Variants in ADAMTSL1 observed in about 807,000 individuals in gnomAD.
The protein encoded by ADAMTSL1 is ADAMTS like 1.
ADAMTSL1 carries 126 observed loss-of-function variants against 201.8 expected under a neutral mutation model. That is an observed-to-expected ratio of 0.62 (90% CI 0.54 to 0.72). ADAMTSL1 has a LOEUF of 0.72. ADAMTSL1 is among the 30% of genes least tolerant of loss of function. The pLI, the probability that ADAMTSL1 is intolerant of heterozygous loss-of-function variation, is 0.00. For missense variants in ADAMTSL1, 2,679 were observed against 2,277.8 expected (o/e 1.18, Z -3.59); for synonymous variants, 1,121 against 903.4 (o/e 1.24, Z -4.32).
chr9:18,852,714 C>T (rs1826575243), intron 23 of ADAMTSL1, among the ~76,000 whole-genome samples: 1 of 152,182 alleles, frequency 6.6e-6, no homozygotes, highest in Non-Finnish European at 1.5e-5. Context: ...CAGAGTTGCA[C>T]TATGATCAAA....
At chr9:18,825,655 G>T (rs1824501142) in intron 21 of ADAMTSL1, among the ~76,000 whole-genome samples, 1 of 152,000 alleles carries the variant, frequency 6.6e-6, no homozygotes, top group African/African-American at 2.4e-5. Context: ...CACCAGACCA[G>T]CCCCCGGTCA....
intron 2 of ADAMTSL1, among the ~76,000 whole-genome samples, chr9:18,393,559 A>C (rs1247778675): frequency 6.6e-6 from 1 of 152,214 alleles, no homozygotes; most frequent in African/African-American, 2.4e-5. Context: ...ATGTTAAAGA[A>C]GACAGTGTGG....
At chr9:17,915,553 T>TTTG (rs1826058655) in intron 1 of ADAMTSL1, among the ~76,000 whole-genome samples, 2 of 152,176 alleles carry the variant, frequency 1.3e-5, no homozygotes, top group Admixed American at 1.3e-4. Context: ...TATGAACACG[T>TTTG]TGTTTAATTT....
intron 7 of ADAMTSL1, among the ~76,000 whole-genome samples, chr9:18,642,305 A>G (rs202107882): frequency 8.3e-6 from 1 of 119,932 alleles, no homozygotes; most frequent in Non-Finnish European, 1.8e-5. Flanking sequence ...TTATTAATTA[A>G]TTTTTAATTA....
At chr9:18,661,909 C>T (rs754266647) in intron 8 of ADAMTSL1, 26 bp from the exon 9 acceptor site, 4 of 1,600,706 alleles carry the variant, frequency 2.5e-6, no homozygotes, top group East Asian at 2.2e-5. Flanking sequence ...TACATTTAAA[C>T]TTGCCTGGAT....
chr9:17,925,190 A>C (rs1475107808), intron 1 of ADAMTSL1, among the ~76,000 whole-genome samples: 1 of 114,426 alleles, frequency 8.7e-6, no homozygotes, highest in Non-Finnish European at 1.9e-5. Context: ...GCAATCATTA[A>C]AAAGTCAGGA....
chr9:18,877,373 A>G (rs1163285767), intron 23 of ADAMTSL1, among the ~76,000 whole-genome samples: 1 of 152,102 alleles, frequency 6.6e-6, no homozygotes, highest in Non-Finnish European at 1.5e-5. Context: ...CAGAGGGAAG[A>G]TCTGGGGCTC....
In ADAMTSL1 at chr9:18,359,158, GC is replaced by G. The variant is rs557829565; in HGVS notation, c.208-145670del. The stretch of plus-strand genomic sequence containing the variant: ...AAACATATATGCATGCACATGCTGG[GC>G]TGAAGTGACTTTTTTAGTACAAAAT... On this transcript the variant is annotated intron_variant, in intron 2 of 29. Transcript: ENST00000680146. 1.5e-3 allele frequency among the ~76,000 whole-genome samples: 233 copies of G among 152,224 alleles called. 3 individuals are homozygous for G. The South Asian group carries it at 0.019, about 12-fold the overall frequency.
chr9:18,013,916 G>T (rs1820152502), intron 1 of ADAMTSL1, among the ~76,000 whole-genome samples: 1 of 151,732 alleles, frequency 6.6e-6, no homozygotes, highest in Non-Finnish European at 1.5e-5. Flanking sequence ...GGTTTGAAAG[G>T]TCGCTTTTCA....
intron 24 of ADAMTSL1, among the ~76,000 whole-genome samples, chr9:18,888,399 A>T (rs1189630274): frequency 6.6e-6 from 1 of 152,232 alleles, no homozygotes; most frequent in Non-Finnish European, 1.5e-5. Flanking sequence ...CACACAGAGT[A>T]GCCTGTTTGG....
chr9:18,007,140 A>C (rs1291903989), intron 1 of ADAMTSL1, among the ~76,000 whole-genome samples: 1 of 152,052 alleles, frequency 6.6e-6, no homozygotes, highest in Non-Finnish European at 1.5e-5. Flanking sequence ...CAGAATAAAC[A>C]ATAGAGTGTT....
Position 18,063,769 on chromosome 9 carries a change from G to A in ADAMTSL1, c.88-100093G>A, listed in dbSNP as rs149750262. ...GGAAACTACACTAGAATCATCTTGT[G>A]AGTATCTGTCCATGCATAAAAGTCT... On this transcript the variant is annotated intron_variant, in intron 1 of 29. Transcript: ENST00000680146. Among the ~76,000 whole-genome samples, 1,270 of 152,238 alleles carry A rather than the reference G, an allele frequency of 8.3e-3. 32 individuals are homozygous for A. Among genetic ancestry groups the A allele is most frequent in the Admixed American group, 0.055 (839 of 15,294 alleles).
At chr9:18,843,593 T>C (rs951076144) in intron 23 of ADAMTSL1, among the ~76,000 whole-genome samples, 14 of 150,838 alleles carry the variant, frequency 9.3e-5, no homozygotes, top group African/African-American at 3.2e-4. Context: ...CCTTGCTGGA[T>C]TGGGGAAGTT....
intron 2 of ADAMTSL1, among the ~76,000 whole-genome samples, chr9:18,274,506 G>C (rs1308317386): frequency 6.6e-6 from 1 of 151,804 alleles, no homozygotes; most frequent in Non-Finnish European, 1.5e-5. Context: ...CAATGTCTGA[G>C]GTATTTCATA....
At chr9:18,211,626 A>G (rs1431442962) in intron 2 of ADAMTSL1, among the ~76,000 whole-genome samples, 2 of 152,166 alleles carry the variant, frequency 1.3e-5, no homozygotes, top group African/African-American at 4.8e-5. Flanking sequence ...ACCTAAATCA[A>G]TATCCAATGT....
At chr9:18,599,996 C>CAAAAAAAAAAA (rs57914274) in intron 4 of ADAMTSL1, among the ~76,000 whole-genome samples, 20 of 86,938 alleles carry the variant, frequency 2.3e-4, no homozygotes, top group Admixed American at 6.9e-4. Context: ...ACTAAAAATA[C>CAAAAAAAAAAA]AAAAAAAAAA....
chr9:18,851,912 G>T (rs1022169511), intron 23 of ADAMTSL1, among the ~76,000 whole-genome samples: 1 of 152,226 alleles, frequency 6.6e-6, no homozygotes, highest in Non-Finnish European at 1.5e-5. Flanking sequence ...GGAAGCTGCT[G>T]ATCACCAGCT....
chr9:18,081,509 A>T (rs1267253806), intron 1 of ADAMTSL1, among the ~76,000 whole-genome samples: 1 of 152,202 alleles, frequency 6.6e-6, no homozygotes, highest in African/African-American at 2.4e-5. Flanking sequence ...ACAAGTCTTC[A>T]TGAAAATTGT....
intron 2 of ADAMTSL1, among the ~76,000 whole-genome samples, chr9:18,360,280 A>T (rs1355888081): frequency 1.3e-5 from 2 of 152,182 alleles, no homozygotes; most frequent in Non-Finnish European, 2.9e-5. Flanking sequence ...TAACTTGAAG[A>T]CACATGATCT....
Sources: allele counts gnomAD v4.1 joint callset (sites outside exome capture counted in the v4.1 genomes callset), GRCh38; gene constraint gnomAD v4.1.1; transcripts MANE v1.5; gene names NCBI Gene and HGNC (gene_info 2026-07-23, HGNC 2026-07-21).